ITGA1: variants seen among roughly 807,000 people sequenced by gnomAD.
The protein encoded by ITGA1 is integrin subunit alpha 1.
ITGA1 carries 85 observed loss-of-function variants against 145.9 expected under a neutral mutation model. The observed-to-expected ratio is 0.58, with a 90% confidence interval of 0.49 to 0.70. The LOEUF (loss-of-function observed/expected upper bound fraction) is 0.70, where lower values mean the gene tolerates loss of function less well. Ranked by LOEUF, ITGA1 falls within the 30% of genes least tolerant of loss-of-function variation. ITGA1 has a pLI of 0.00. For missense variants in ITGA1, 1,351 were observed against 1,418.7 expected (o/e 0.95, Z 0.77); for synonymous variants, 520 against 495.3 (o/e 1.05, Z -0.66).
chr5:52,862,874 A>C (rs1051745951), intron 3 of ITGA1, among the ~76,000 whole-genome samples: 1 of 151,828 alleles, frequency 6.6e-6, no homozygotes, highest in Non-Finnish European at 1.5e-5. Flanking sequence ...CCTTTTTTTG[A>C]ATTTTCTATT....
At chr5:52,918,989 C>A in intron 16 of ITGA1, 91 bp downstream of exon 16, 1 of 1,118,230 alleles carries the variant, frequency 8.9e-7, no homozygotes, top group Non-Finnish European at 1.2e-6. Flanking sequence ...TGTATTTTCC[C>A]CACATGGTGA....
At chr5:52,801,663 C>T (rs1312606991) in intron 1 of ITGA1, 9 of 1,614,098 alleles carry the variant, frequency 5.6e-6, no homozygotes, top group Non-Finnish European at 7.6e-6. Context: ...CCACACGGAG[C>T]CGGTATGTGA....
At chr5:52,948,777 C>G (rs573880106) in intron 28 of ITGA1, 1 of 152,082 alleles carries the variant, frequency 6.6e-6, no homozygotes, top group Non-Finnish European at 1.5e-5. Context: ...GAGAGTGTTA[C>G]TGTTGATTTT....
chr5:52,911,243 T>C (rs1750518496), intron 14 of ITGA1, among the ~76,000 whole-genome samples: 1 of 136,054 alleles, frequency 7.4e-6, no homozygotes, highest in African/African-American at 2.7e-5. Flanking sequence ...AGTGTATATA[T>C]AGTATATACA....
intron 1 of ITGA1, among the ~76,000 whole-genome samples, chr5:52,795,174 G>A (rs1021705320): frequency 6.6e-6 from 1 of 151,934 alleles, no homozygotes; most frequent in African/African-American, 2.4e-5. Context: ...CTAAAAATAT[G>A]AGTATGTGCC....
intron 8 of ITGA1, among the ~76,000 whole-genome samples, chr5:52,890,142 A>T (rs1750122892): frequency 6.6e-6 from 1 of 152,122 alleles, no homozygotes; most frequent in African/African-American, 2.4e-5. Context: ...TGGTAACTAC[A>T]TCTGAGCACA....
At chr5:52,832,232 C>T (rs1393378973) in intron 1 of ITGA1, among the ~76,000 whole-genome samples, 1 of 152,074 alleles carries the variant, frequency 6.6e-6, no homozygotes, top group Non-Finnish European at 1.5e-5. Context: ...AGGCTGCCAA[C>T]CTGAGATTAG....
At chr5:52,908,689 G>T (rs1032994072) in intron 12 of ITGA1, among the ~76,000 whole-genome samples, 13 of 152,164 alleles carry the variant, frequency 8.5e-5, no homozygotes, top group South Asian at 2.1e-4. Flanking sequence ...TGTAACAGCT[G>T]TTCATCCTCA....
Position 52,907,552 on chromosome 5 carries a change from A to G in ITGA1, c.1456-1346A>G, listed in dbSNP as rs148732312. On this transcript the variant is annotated intron_variant, in intron 12 of 28. Coordinates refer to ENST00000282588, the MANE Select transcript of ITGA1 (RefSeq NM_181501.2). ...GTTTCAAGCCTGGGAATCTGAAAGA[A>G]AGGTGGCTCCATGATTAGAATGTCA... Among the ~76,000 whole-genome samples, 8 of 152,366 alleles carry G rather than the reference A, an allele frequency of 5.3e-5. No individual in the cohort carries two copies. In the East Asian group the frequency reaches 1.3e-3, roughly 26 times the overall value.
intron 7 of ITGA1, among the ~76,000 whole-genome samples, chr5:52,885,020 G>T (rs1315753085): frequency 2.6e-5 from 4 of 152,108 alleles, no homozygotes; most frequent in Non-Finnish European, 5.9e-5. Flanking sequence ...TGCTAGAGTG[G>T]ATCACAGAAC....
intron 2 of ITGA1, among the ~76,000 whole-genome samples, chr5:52,859,067 C>T (rs948388073): frequency 6.6e-6 from 1 of 152,070 alleles, no homozygotes; most frequent in African/African-American, 2.4e-5. Context: ...ACAGAAAGCA[C>T]TTAGAACAGG....
At chr5:52,939,751 A>C in intron 25 of ITGA1, 60 bp downstream of exon 25, 1 of 1,456,106 alleles carries the variant, frequency 6.9e-7, no homozygotes, top group Non-Finnish European at 9.6e-7. Flanking sequence ...AATTGATATC[A>C]ATCTAGAAAT....
intron 27 of ITGA1, among the ~76,000 whole-genome samples, chr5:52,946,203 A>G (rs1421927): frequency 0.33 from 50,215 of 152,014 alleles, 8,536 homozygotes; most frequent in East Asian, 0.52. Context: ...TCCGGTTTCC[A>G]TATCTGTAAG....
At chr5:52,854,114 C>T (rs1378195713) in intron 2 of ITGA1, among the ~76,000 whole-genome samples, 1 of 152,138 alleles carries the variant, frequency 6.6e-6, no homozygotes, top group African/African-American at 2.4e-5. Context: ...AGTAGATTTT[C>T]AGGATCCACC....
At position 52,849,357 on chromosome 5, in the gene ITGA1, T is replaced by G. The variant is rs1468367704; in HGVS notation, c.62-8T>G. 3.1e-6 allele frequency: 5 copies of G among 1,593,322 alleles called. No homozygotes were observed. The highest frequency in any genetic ancestry group is 4.3e-6 in the Non-Finnish European group (5 of 1,167,006). On this transcript the variant is annotated splice_polypyrimidine_tract_variant and splice_region_variant and intron_variant, in intron 1 of 28. Coordinates refer to ENST00000282588, the MANE Select transcript of ITGA1 (RefSeq NM_181501.2). ...TCTATGTAACTGGATTTTGTTTTTC[T>G]CCTAAAGTTGTTCTACGCTGCTGCG...
chr5:52,878,605 G>T (rs1749905301), intron 6 of ITGA1, among the ~76,000 whole-genome samples: 1 of 152,206 alleles, frequency 6.6e-6, no homozygotes, highest in Non-Finnish European at 1.5e-5. Context: ...ATGTAAGTGA[G>T]ATAACCCTTT....
intron 1 of ITGA1, among the ~76,000 whole-genome samples, chr5:52,837,193 C>G (rs955465646): frequency 6.6e-6 from 1 of 152,088 alleles, no homozygotes; most frequent in Non-Finnish European, 1.5e-5. Context: ...ACTACTGAAC[C>G]GTAGAGGAGG....
rs539516659 is a variant in ITGA1 at position 52,906,586 on chromosome 5, A to AT, written c.1455+679dup. 1.6e-3 allele frequency among the ~76,000 whole-genome samples: 240 copies of AT among 152,356 alleles called. 1 individual carries two copies. The South Asian group carries it at 0.034, about 22-fold the overall frequency. ...CACACACATATTAACTGAAAGAAAG[A>AT]TCTAACATGCTTTTTGTTGTTGTTA... On this transcript the variant is annotated intron_variant, in intron 12 of 28. Transcript: ENST00000282588.
At chr5:52,808,034 A>G (rs1265937736) in intron 1 of ITGA1, among the ~76,000 whole-genome samples, 1 of 152,212 alleles carries the variant, frequency 6.6e-6, no homozygotes, top group Non-Finnish European at 1.5e-5. Context: ...CAGCAGTTAA[A>G]AGTGACAGCT....
Sources: gnomAD v4.1 joint callset for allele counts (sites outside exome capture counted in the v4.1 genomes callset) on GRCh38, gnomAD v4.1.1 for gene constraint, MANE v1.5 for transcripts, NCBI Gene and HGNC (gene_info 2026-07-23, HGNC 2026-07-21) for gene names.